The following PPL variants were observed in gnomAD, a reference collection of about 807,000 sequenced individuals.
PPL encodes 190 kDa paraneoplastic pemphigus antigen.
A neutral mutation model predicts 194.4 loss-of-function variants in PPL; 198 were observed. The observed-to-expected ratio is 1.02, with a 90% CI of 0.91 to 1.15. The LOEUF is 1.15. Ranked by LOEUF, PPL falls within the 50% of genes most tolerant of loss-of-function variation. The pLI, the probability that PPL is intolerant of heterozygous loss-of-function variation, is 0.00. For missense variants in PPL, 2,885 were observed against 2,294.8 expected (o/e 1.26, Z -5.25); for synonymous variants, 1,220 against 972.4 (o/e 1.25, Z -4.74).
At chr16:4,910,740 G>A (rs1332846943) in intron 2 of PPL, 110 bp downstream of exon 2, 50 of 966,366 alleles carry the variant, frequency 5.2e-5, no homozygotes, top group Non-Finnish European at 6.7e-5. Context: ...ATGTTCCCTC[G>A]GGGCCACAAT....
chr16:4,884,864 C>T lies in PPL; in HGVS notation c.3791G>A (p.Arg1264Lys), dbSNP rs747446144. Residue 1264 changes from arginine (R) to lysine (K), a missense_variant, in exon 22 of 22, where the codon AGG becomes AAG. Transcript: ENST00000345988. The surrounding 1 kb of genome is among the most constrained non-coding windows in gnomAD (Gnocchi z 5.7). ...CAGCTGGTAGATCTCTAAATCACAC[C>T]TTTCGATCAGTCTGGTCTTGTCCAC... ...EIVDKTRLIE[R>K]CDLEIYQLKK... 2 of 1,614,140 alleles carry T rather than the reference C, an allele frequency of 1.2e-6. No homozygotes were observed. Among genetic ancestry groups the T allele is most frequent in the Admixed American group, 1.7e-5 (1 of 60,026 alleles).
At chr16:4,894,397 C>T in intron 12 of PPL, 70 bp downstream of exon 12, 1 of 1,569,310 alleles carries the variant, frequency 6.4e-7, no homozygotes, top group Admixed American at 1.8e-5. Flanking sequence ...ATCCCCGGGG[C>T]TATGAATGGG....
chr16:4,887,955 C>T, intron 20 of PPL, 147 bp downstream of exon 20: 1 of 648,220 alleles, frequency 1.5e-6, no homozygotes, highest in Admixed American at 2.4e-5. Flanking sequence ...CATCTCTTAC[C>T]AAACCTGTTT....
At chr16:4,913,110 A>G (rs1398968241) in intron 1 of PPL, among the ~76,000 whole-genome samples, 1 of 151,848 alleles carries the variant, frequency 6.6e-6, no homozygotes, top group African/African-American at 2.4e-5. Flanking sequence ...TCTCGAAAAA[A>G]AAAAACAAGA....
At chr16:4,917,322 G>C (rs1022584519) in intron 1 of PPL, among the ~76,000 whole-genome samples, 1 of 151,872 alleles carries the variant, frequency 6.6e-6, no homozygotes, top group Non-Finnish European at 1.5e-5. Context: ...TCTATTATTC[G>C]GCCAAAGAAT....
At chr16:4,932,198 GC>G (rs140230715) in intron 1 of PPL, among the ~76,000 whole-genome samples, 6,354 of 152,324 alleles carry the variant, frequency 0.042, 152 homozygotes, top group East Asian at 0.051. Flanking sequence ...TGCATGGCAG[GC>G]CCGCTGTCAG....
intron 1 of PPL, among the ~76,000 whole-genome samples, chr16:4,921,484 T>G (rs113351704): frequency 0.024 from 3,681 of 152,230 alleles, 134 homozygotes; most frequent in African/African-American, 0.08. Context: ...ATTGATTGAT[T>G]GAGACTGAGT....
In PPL at chr16:4,890,658, A is replaced by C. The variant is rs570068893; in HGVS notation, c.2162+70T>G. 4.8e-5 allele frequency: 72 copies of C among 1,490,900 alleles called. No individual in the cohort carries two copies. The African/African-American group carries it at 8.4e-4, about 17-fold the overall frequency. The allele number at this position is 1,490,900 out of a possible 1,614,324, so 92.4% of individuals were successfully genotyped here. A position where few individuals can be genotyped will look rare whatever the true frequency, so the allele number is the denominator to read the frequency against. On this transcript the variant is annotated intron_variant, in intron 17 of 21. Coordinates refer to ENST00000345988, the MANE Select transcript of PPL (RefSeq NM_002705.5). ...AGCAAAATCTGTGGGACACGGCTAA[A>C]GCATTGCTTAGAGGGAATTAGATCG... is the stretch of plus-strand genomic sequence containing the variant.
rs1205638654 is a variant in PPL at position 4,910,867 on chromosome 16, C to G, written c.145G>C (p.Glu49Gln). The G allele has an allele frequency of 6.8e-6, 11 of 1,614,028 alleles. No homozygotes were observed. Among genetic ancestry groups the G allele is most frequent in the Non-Finnish European group, 8.5e-6 (10 of 1,180,022 alleles). Residue 49 changes from glutamate to glutamine, a missense_variant, in exon 2 of 22, where the codon GAG (glutamate) becomes CAG (glutamine). Glu to Gln is a conservative substitution (Grantham distance 29). Coordinates refer to ENST00000345988, the MANE Select transcript of PPL (RefSeq NM_002705.5). Reference sequence around the variant, plus strand: ...GCACTCACACTCTGCATCTTGGCCTCTGTGTCCACGATGTTCTTCTCCACC... The same window carrying G: ...GCACTCACACTCTGCATCTTGGCCTGTGTGTCCACGATGTTCTTCTCCACC... ...DQVEKNIVDT[E>Q]AKMQSDLARL... is the part of the protein sequence containing the mutation.
rs2088193983 is a variant in PPL, at chr16:4,885,254, G to A, written c.3401C>T (p.Thr1134Ile). 4 of 1,612,924 alleles carry A rather than the reference G, an allele frequency of 2.5e-6. No homozygotes were observed. The highest frequency in any genetic ancestry group is 3.4e-6 in the Non-Finnish European group (4 of 1,179,972). Residue 1134 changes from threonine (T) to isoleucine (I), a missense_variant, in exon 22 of 22, where the codon ACC (threonine) becomes ATC (isoleucine). Transcript: ENST00000345988. This position sits in a 1 kb window ranked among gnomAD's most constrained non-coding sequence, Gnocchi z 6.3. ...AATEREVSDL[T>I]RQYEDEAAKA... Reference sequence around the variant, plus strand: ...GGCAGCCTCGTCCTCATATTGGCGGGTGAGATCGCTGACCTCCCTCTCGGT... The same window carrying A: ...GGCAGCCTCGTCCTCATATTGGCGGATGAGATCGCTGACCTCCCTCTCGGT...
intron 1 of PPL, among the ~76,000 whole-genome samples, chr16:4,920,720 C>A (rs1226175065): frequency 6.6e-6 from 1 of 152,182 alleles, no homozygotes; most frequent in Non-Finnish European, 1.5e-5. Flanking sequence ...TTCGGCCTCC[C>A]AAAGTGCTGG....
rs1049384737 is a variant in PPL at position 4,887,204 on chromosome 16, G to A, written c.2538C>T (p.Phe846=). Residue 846 remains phenylalanine (F), a synonymous_variant, in exon 21 of 22, where the codon TTC becomes TTT. Coordinates refer to ENST00000345988, the MANE Select transcript of PPL (RefSeq NM_002705.5). ...KEEEAALAAK[F]TEVYAINRQR... ...GTCTGTTGATGGCATAAACTTCAGT[G>A]AACTTGGCGGCAAGTGCTGCTTCCT... 7 of 1,613,964 alleles carry A rather than the reference G, an allele frequency of 4.3e-6. No homozygotes were observed. Among genetic ancestry groups the A allele is most frequent in the Non-Finnish European group, 5.9e-6 (7 of 1,179,980 alleles).
At chr16:4,898,368 A>C (rs2088475825) in intron 8 of PPL, among the ~76,000 whole-genome samples, 1 of 152,210 alleles carries the variant, frequency 6.6e-6, no homozygotes, top group African/African-American at 2.4e-5. Context: ...ACAACAGCGA[A>C]ACTCCATCTC....
At chr16:4,929,040 AAAAG>A (rs1359685976) in intron 1 of PPL, among the ~76,000 whole-genome samples, 9 of 143,716 alleles carry the variant, frequency 6.3e-5, no homozygotes, top group Middle Eastern at 3.6e-3. Flanking sequence ...AAAAAAAAAA[AAAAG>A]ATCTGCCGAG....
chr16:4,891,123 A>G (rs146807395), intron 16 of PPL, among the ~76,000 whole-genome samples: 85 of 152,340 alleles, frequency 5.6e-4, no homozygotes, highest in African/African-American at 2.0e-3. Context: ...CAAAGCCCTG[A>G]AAAGCTAACT....
chr16:4,929,484 G>A (rs2089201072), intron 1 of PPL, among the ~76,000 whole-genome samples: 1 of 152,044 alleles, frequency 6.6e-6, no homozygotes, highest in Admixed American at 6.6e-5. Flanking sequence ...TGGAAAACTC[G>A]TGATCTACTC....
intron 1 of PPL, among the ~76,000 whole-genome samples, chr16:4,918,589 T>C (rs2142402232): frequency 6.6e-6 from 1 of 152,306 alleles, no homozygotes; most frequent in African/African-American, 2.4e-5. Context: ...TCATATACCA[T>C]GCAATTCACT....
At position 4,895,698 on chromosome 16, in the gene PPL, C is replaced by A. The variant is rs149136659; in HGVS notation, c.991G>T (p.Asp331Tyr). 1 of 1,613,824 alleles carries A rather than the reference C, an allele frequency of 6.2e-7. No homozygotes were observed. The highest frequency in any genetic ancestry group is 1.3e-5 in the African/African-American group (1 of 74,932). The change falls in exon 10 of 22, where the codon GAC (aspartate) becomes TAC (tyrosine). Residue 331 changes from aspartate to tyrosine, a missense_variant. Physicochemically the swap from Asp to Tyr is radical, Grantham distance 160. Coordinates refer to ENST00000345988, the MANE Select transcript of PPL (RefSeq NM_002705.5). ...DYHQFHEDVK[D>Y]AQELLRKVDS... ...ACCTTGCGCAGCAGCTCCTGAGCGT[C>A]CTTCACGTCTTCGTGAAACTAGGGG...
At chr16:4,928,364 C>T (rs952721171) in intron 1 of PPL, among the ~76,000 whole-genome samples, 4 of 152,238 alleles carry the variant, frequency 2.6e-5, no homozygotes, top group Non-Finnish European at 5.9e-5. Flanking sequence ...CCACTGTGCC[C>T]GGCCATCTCA....
Sources: gnomAD v4.1 joint callset for allele counts (sites outside exome capture counted in the v4.1 genomes callset) on GRCh38, gnomAD v4.1.1 for gene constraint, Gnocchi (gnomAD v3.1) non-coding constraint, MANE v1.5 for transcripts, NCBI Gene and HGNC (gene_info 2026-07-23, HGNC 2026-07-21) for gene names.